The following ARHGAP23 variants were observed in gnomAD, a reference collection of about 807,000 sequenced individuals.
ARHGAP23 encodes Rho GTPase activating protein 23, also known as rho GTPase-activating protein 23.
In ARHGAP23, 34 loss-of-function variants were observed where a neutral mutation model predicts 136.3. The observed-to-expected ratio is 0.25, with a 90% CI of 0.19 to 0.33. The LOEUF (loss-of-function observed/expected upper bound fraction) is 0.33, where lower values mean the gene tolerates loss of function less well. Ranked by LOEUF, ARHGAP23 falls within the 10% of genes least tolerant of loss-of-function variation. The probability of loss-of-function intolerance (pLI) is 1.00; values close to 1 mark genes in which losing one functional copy is unlikely to be tolerated. For missense variants in ARHGAP23, 1,808 were observed against 2,139.0 expected, an observed-to-expected ratio of 0.85 and a Z score of 3.05; for synonymous variants, 832 against 920.5, an observed-to-expected ratio of 0.90 and a Z score of 1.74.
Position 38,488,078 on chromosome 17 carries a change from A to T in ARHGAP23, c.2986+1938A>T, listed in dbSNP as rs899753955. On this transcript the variant is annotated intron_variant, in intron 17 of 23. Transcript: ENST00000622683. ...CACCACACCCAGCTAATTAAAAAAA[A>T]ATTTTTTTTGGTAGAGGCAGGGTCT... Among the ~76,000 whole-genome samples the T allele has an allele frequency of 8.6e-5, 13 of 151,694 alleles. No homozygotes were observed. The East Asian group carries it at 1.8e-3, about 21-fold the overall frequency.
At chr17:38,459,875 C>A (rs1473581216) in intron 2 of ARHGAP23, among the ~76,000 whole-genome samples, 1 of 152,212 alleles carries the variant, frequency 6.6e-6, no homozygotes, top group Admixed American at 6.5e-5. Context: ...AGGACGGGGG[C>A]AGAGTGCTTG....
chr17:38,458,477 C>T (rs1441115035), intron 2 of ARHGAP23, among the ~76,000 whole-genome samples: 1 of 152,202 alleles, frequency 6.6e-6, no homozygotes, highest in Non-Finnish European at 1.5e-5. Flanking sequence ...TGACCGTGGA[C>T]AAACACTTGA....
chr17:38,460,932 G>A lies in ARHGAP23; in HGVS notation c.253G>A (p.Gly85Arg). The change falls in exon 3 of 24, where the codon GGA becomes AGA. Residue 85 changes from glycine to arginine, a missense_variant and splice_region_variant. Gly to Arg is a moderately radical substitution (Grantham distance 125). Around this residue, in one of 7 missense-constraint regions of ARHGAP23, gnomAD observed 859 missense variants for 936.4 expected, o/e 0.92. Transcript: ENST00000622683. ...GGAAGAGAATGGAGGCCGTGGAGGA[G>A]GTAAGGGAGGACTGGCGGGCGCTGG... is the stretch of plus-strand genomic sequence containing the variant. ...KEEENGGRGG[G>R]PSPRYRLEPM... is the part of the protein sequence containing the mutation. The A allele has an allele frequency of 6.5e-7, 1 of 1,536,012 alleles. No homozygotes were observed.
chr17:38,504,342 A>G (rs539853922), intron 23 of ARHGAP23, among the ~76,000 whole-genome samples: 2 of 152,190 alleles, frequency 1.3e-5, no homozygotes, highest in Non-Finnish European at 2.9e-5. Context: ...AGTCTCATCT[A>G]CTGGGGAGAC....
At chr17:38,495,635 TC>T (rs2040375671) in intron 20 of ARHGAP23, among the ~76,000 whole-genome samples, 1 of 152,154 alleles carries the variant, frequency 6.6e-6, no homozygotes, top group African/African-American at 2.4e-5. Flanking sequence ...ACATGTCAGA[TC>T]ATGAGCGATA....
intron 10 of ARHGAP23, 99 bp downstream of exon 10, chr17:38,470,003 T>A: frequency 7.1e-7 from 1 of 1,407,576 alleles, no homozygotes. Flanking sequence ...GGGTTCCTGC[T>A]CCAGCTCCTG....
chr17:38,503,592 G>A (rs1468172571), intron 23 of ARHGAP23, among the ~76,000 whole-genome samples: 2 of 152,132 alleles, frequency 1.3e-5, no homozygotes, highest in African/African-American at 4.8e-5. Context: ...TGACCCCACC[G>A]TGTCTCCAGT....
chr17:38,438,773 C>G (rs1221044809), intron 1 of ARHGAP23, among the ~76,000 whole-genome samples: 1 of 152,118 alleles, frequency 6.6e-6, no homozygotes, highest in East Asian at 1.9e-4. Context: ...CATCTGAGGT[C>G]GGGAGTTTGA....
upstream of ARHGAP23, among the ~76,000 whole-genome samples, chr17:38,427,094 C>T (rs539723185): frequency 1.3e-5 from 2 of 152,310 alleles, no homozygotes; most frequent in South Asian, 4.1e-4. Context: ...AAGAGGTAAG[C>T]ATAAGCTGGA....
At chr17:38,486,930 C>T (rs761495600) in intron 17 of ARHGAP23, among the ~76,000 whole-genome samples, 4 of 152,206 alleles carry the variant, frequency 2.6e-5, no homozygotes, top group South Asian at 2.1e-4. Flanking sequence ...GAGATACACA[C>T]GTGCCTGCGT....
rs1189877744 is a variant in ARHGAP23 at position 38,490,147 on chromosome 17, G to C, written c.3032G>C (p.Arg1011Pro). The change falls in exon 18 of 24, where the codon CGG becomes CCG. Residue 1011 changes from arginine to proline, a missense_variant. Transcript: ENST00000622683. ...GAGGCCAACCGCATTGAGGACGCGC[G>C]GGAGCGAATGAGGACGCTGCGGAAG... ...FIEANRIEDA[R>P]ERMRTLRKLI... is the part of the protein sequence containing the mutation. The C allele has an allele frequency of 5.8e-6, 9 of 1,551,646 alleles. No individual in the cohort carries two copies. The highest frequency in any genetic ancestry group is 2.0e-5 in the Admixed American group (1 of 50,986).
chr17:38,467,014 G>A lies in ARHGAP23; in HGVS notation c.1331G>A (p.Gly444Glu), dbSNP rs892166407. The A allele has an allele frequency of 2.5e-5, 38 of 1,550,770 alleles. No homozygotes were observed. The East Asian group carries it at 7.8e-4, about 32-fold the overall frequency. The change falls in exon 7 of 24, where the codon GGG (glycine) becomes GAG (glutamate). Residue 444 changes from glycine (G) to glutamate (E), a missense_variant. Coordinates refer to ENST00000622683, the MANE Select transcript of ARHGAP23 (RefSeq NM_001199417.2). Reference sequence around the variant, plus strand: ...CTCTCCTTCCGGGACTCACCCTTTGGGGGGCTGCCTACCTTCAACCTGGCC... The same window carrying A: ...CTCTCCTTCCGGGACTCACCCTTTGAGGGGCTGCCTACCTTCAACCTGGCC... ...HALSFRDSPF[G>E]GLPTFNLAQS...
At chr17:38,432,757 G>T (rs1381613017) in intron 1 of ARHGAP23, among the ~76,000 whole-genome samples, 1 of 152,064 alleles carries the variant, frequency 6.6e-6, no homozygotes, top group African/African-American at 2.4e-5. Flanking sequence ...TGAGCTGGGG[G>T]GTTCGAGTCT....
rs114785570 is a variant in ARHGAP23 at position 38,508,184 on chromosome 17, G to A, written c.3448-1760G>A. Among the ~76,000 whole-genome samples the A allele has an allele frequency of 7.7e-3, 1,171 of 152,338 alleles. 14 individuals carry two copies. Among genetic ancestry groups the A allele is most frequent in the African/African-American group, 0.027 (1,116 of 41,568 alleles). ...AGCTAGGAGCATAGTGAGATGACAGGAACATAGAGAAGTGATCTCCCATCT... is the reference window on the plus strand; with the variant it reads ...AGCTAGGAGCATAGTGAGATGACAGAAACATAGAGAAGTGATCTCCCATCT... On this transcript the variant is annotated intron_variant, in intron 23 of 23. Coordinates refer to ENST00000622683, the MANE Select transcript of ARHGAP23 (RefSeq NM_001199417.2).
chr17:38,470,532 A>T (rs542254344), intron 10 of ARHGAP23, among the ~76,000 whole-genome samples: 1 of 152,196 alleles, frequency 6.6e-6, no homozygotes, highest in Non-Finnish European at 1.5e-5. Flanking sequence ...GGCCTGTGAT[A>T]GCCCTGGCTG....
Position 38,466,691 on chromosome 17 carries a change from T to A in ARHGAP23, c.1008T>A (p.Asp336Glu), listed in dbSNP as rs537056442. The A allele has an allele frequency of 4.6e-6, 7 of 1,527,306 alleles. No individual in the cohort carries two copies. In the South Asian group the frequency reaches 8.7e-5, roughly 19 times the overall value. The allele number at this position is 1,527,306 out of a possible 1,614,324, so 94.6% of individuals were successfully genotyped here. ...CGTGGCCCTGCTCCACCTCCCAGGA[T>A]GCTTTGAGCCAGCTGGGCCAGGAGG... ...PRPWPCSTSQ[D>E]ALSQLGQEGW... The change falls in exon 7 of 24, where the codon GAT (aspartate) becomes GAA (glutamate). Residue 336 changes from aspartate (D) to glutamate (E), a missense_variant. By Grantham distance (45) the Asp-to-Glu change is conservative. Coordinates refer to ENST00000622683, the MANE Select transcript of ARHGAP23 (RefSeq NM_001199417.2).
chr17:38,493,211 TG>T (rs1387509965), intron 20 of ARHGAP23, among the ~76,000 whole-genome samples: 1,291 of 65,288 alleles, frequency 0.02, 17 homozygotes, highest in African/African-American at 0.04. Flanking sequence ...TTTGTTTTTT[TG>T]TTTTTTTTTT....
chr17:38,469,594 T>C lies in ARHGAP23; in HGVS notation c.1875T>C (p.Asp625=), dbSNP rs2039696014. 6.5e-7 allele frequency: 1 copy of C among 1,548,784 alleles called. No individual in the cohort carries two copies. Among genetic ancestry groups the C allele is most frequent in the Non-Finnish European group, 8.7e-7 (1 of 1,146,728 alleles). ...AITTERSKSC[D]DGLNTFRDEG... ...CCACGGAGCGCTCCAAGTCCTGCGA[T>C]GATGGACTCAACACCTTCCGCGACG... The change falls in exon 9 of 24, where the codon GAT becomes GAC. Residue 625 remains aspartate (D), a synonymous_variant. Coordinates refer to ENST00000622683, the MANE Select transcript of ARHGAP23 (RefSeq NM_001199417.2).
At chr17:38,463,521 C>A in intron 6 of ARHGAP23, 139 bp downstream of exon 6, 1 of 1,056,344 alleles carries the variant, frequency 9.5e-7, no homozygotes, top group Non-Finnish European at 1.4e-6. Context: ...CCTCCCTGGG[C>A]TGGGGCTGGT....
Sources: allele counts gnomAD v4.1 joint callset (sites outside exome capture counted in the v4.1 genomes callset), GRCh38; gene constraint gnomAD v4.1.1; regional missense constraint gnomAD v4.1.1; transcripts MANE v1.5; gene names NCBI Gene and HGNC (gene_info 2026-07-23, HGNC 2026-07-21).